The following TMPRSS7 variants were observed in gnomAD, a reference collection of about 807,000 sequenced individuals.
The protein encoded by TMPRSS7 is transmembrane protease serine 7.
In TMPRSS7, 81 loss-of-function variants were observed where a neutral mutation model predicts 95.6. The observed-to-expected ratio is 0.85, with a 90% CI of 0.71 to 1.02. The LOEUF is 1.02. Ranked by LOEUF, TMPRSS7 falls within the 50% of genes least tolerant of loss-of-function variation. The probability of loss-of-function intolerance (pLI) is 0.00; values close to 1 mark genes in which losing one functional copy is unlikely to be tolerated. For missense variants in TMPRSS7, 945 were observed against 955.2 expected (o/e 0.99, Z 0.14); for synonymous variants, 364 against 337.8 (o/e 1.08, Z -0.85).
intron 1 of TMPRSS7, among the ~76,000 whole-genome samples, 170 bp downstream of exon 1, chr3:112,035,063 G>A (rs1337254837): frequency 1.3e-5 from 2 of 152,172 alleles, no homozygotes; most frequent in African/African-American, 4.8e-5. Flanking sequence ...ATAAAGTGCT[G>A]TACTTGGCAA....
intron 10 of TMPRSS7, among the ~76,000 whole-genome samples, chr3:112,059,910 C>T (rs1305110762): frequency 6.6e-6 from 1 of 152,194 alleles, no homozygotes; most frequent in Non-Finnish European, 1.5e-5. Flanking sequence ...ATTGGCATCA[C>T]AGGTTCCAGT....
chr3:112,068,950 G>A (rs2073609637), intron 13 of TMPRSS7, among the ~76,000 whole-genome samples: 1 of 152,130 alleles, frequency 6.6e-6, no homozygotes, highest in Non-Finnish European at 1.5e-5. Flanking sequence ...TATGATATTG[G>A]CTGTGGGTTT....
At chr3:112,080,268 T>C (rs997134682) in intron 17 of TMPRSS7, among the ~76,000 whole-genome samples, 1 of 152,236 alleles carries the variant, frequency 6.6e-6, no homozygotes, top group African/African-American at 2.4e-5. Context: ...GGAATTGAGA[T>C]ATCAGAAAGG....
intron 13 of TMPRSS7, among the ~76,000 whole-genome samples, chr3:112,071,665 A>C (rs933642821): frequency 1.3e-5 from 2 of 152,030 alleles, no homozygotes; most frequent in Non-Finnish European, 2.9e-5. Context: ...TTTCTTCTCT[A>C]AACTTCTTTT....
exon 5 of TMPRSS7, chr3:112,045,779 A>G: frequency 6.4e-7 from 1 of 1,550,918 alleles, no homozygotes; most frequent in Non-Finnish European, 8.7e-7. Context: ...CTCCTTGTCC[A>G]CTTTTGGATT....
intron 1 of TMPRSS7, among the ~76,000 whole-genome samples, chr3:112,036,848 T>G (rs1024771527): frequency 6.6e-6 from 1 of 152,202 alleles, no homozygotes; most frequent in African/African-American, 2.4e-5. Flanking sequence ...TTCCCTAAAT[T>G]AATACTTTCA....
intron 3 of TMPRSS7, among the ~76,000 whole-genome samples, chr3:112,043,865 G>A (rs964687715): frequency 1.3e-5 from 2 of 152,192 alleles, no homozygotes; most frequent in African/African-American, 4.8e-5. Context: ...TAAGAATATG[G>A]TCGACGCTGG....
intron 13 of TMPRSS7, among the ~76,000 whole-genome samples, chr3:112,070,488 C>G (rs1048070546): frequency 2.0e-5 from 3 of 152,290 alleles, no homozygotes; most frequent in African/African-American, 7.2e-5. Context: ...TCTCTAAAGA[C>G]TTGCTTTATG....
At position 112,075,446 on chromosome 3, in the gene TMPRSS7, TC is replaced by T; in HGVS notation, c.1911del (p.Arg638GlyfsTer40). On this transcript the variant is annotated frameshift_variant, in exon 15 of 18. Coordinates refer to ENST00000452346, the Ensembl canonical transcript of TMPRSS7. LOFTEE classifies it high-confidence loss of function. ...TGCCTACTGTGGTGCCTCAGTCATCTCCAGGGAGTGGCTTCTTTCTGCAGCC... is the reference window on the plus strand; with the variant it reads ...TGCCTACTGTGGTGCCTCAGTCATCTCAGGGAGTGGCTTCTTTCTGCAGCC... The T allele has an allele frequency of 6.5e-7, 1 of 1,539,744 alleles. No homozygotes were observed. The highest frequency in any genetic ancestry group is 1.2e-5 in the South Asian group (1 of 80,476).
rs1405162209 is a variant in TMPRSS7 at position 112,074,422 on chromosome 3, A to T, written c.1783+10A>T. The T allele has an allele frequency of 6.3e-7, 1 of 1,588,008 alleles. No homozygotes were observed. The highest frequency in any genetic ancestry group is 1.7e-5 in the Admixed American group (1 of 59,434). On this transcript the variant is annotated intron_variant, in intron 14 of 17. Transcript: ENST00000452346. ...GATGAAGAAGGCTGCAGTAAGTAGA[A>T]ATTCATTCCTTTGGGTTCCTGTATT...
At chr3:112,054,940 C>T (rs916937811) in intron 9 of TMPRSS7, among the ~76,000 whole-genome samples, 6 of 151,798 alleles carry the variant, frequency 4.0e-5, no homozygotes, top group African/African-American at 1.2e-4. Flanking sequence ...GGAGTTTCAC[C>T]GTGTTAGCCT....
In TMPRSS7 at chr3:112,047,027, G is replaced by T; in HGVS notation, c.730+15G>T. Reference sequence around the variant, plus strand: ...CATAGGATCTGGTAAATTCTTTCATGTGGTTCCCCCTCCCCCCATGTTAAT... The same window carrying T: ...CATAGGATCTGGTAAATTCTTTCATTTGGTTCCCCCTCCCCCCATGTTAAT... On this transcript the variant is annotated intron_variant, in intron 6 of 17. Coordinates refer to ENST00000452346, the Ensembl canonical transcript of TMPRSS7. The T allele has an allele frequency of 1.4e-6, 1 of 702,274 alleles. No individual in the cohort carries two copies. Among genetic ancestry groups the T allele is most frequent in the Non-Finnish European group, 2.6e-6 (1 of 384,700 alleles). The allele number at this position is 702,274 out of a possible 1,614,324, so 43.5% of individuals were successfully genotyped here.
chr3:112,045,682 A>C, intron 4 of TMPRSS7, 68 bp from the exon 5 acceptor site: 1 of 1,433,134 alleles, frequency 7.0e-7, no homozygotes. Flanking sequence ...CCTTGAATCC[A>C]TCATCTGGGT....
intron 17 of TMPRSS7, among the ~76,000 whole-genome samples, chr3:112,080,430 C>T (rs902854): frequency 0.36 from 55,323 of 151,932 alleles, 10,166 homozygotes; most frequent in East Asian, 0.42. Flanking sequence ...TAGAAGTCAA[C>T]CTTCCAAGAT....
Position 112,044,330 on chromosome 3 carries a change from A to G in TMPRSS7, c.497+8A>G. The stretch of plus-strand genomic sequence containing the variant: ...TGTTGTTGCAGATGTCAGGTAATGC[A>G]TGTCCCTTGTTTTGAGATTTCTGTG... On this transcript the variant is annotated splice_region_variant and intron_variant, in intron 4 of 17. Transcript: ENST00000452346. The G allele has an allele frequency of 1.3e-6, 2 of 1,549,708 alleles. No individual in the cohort carries two copies. Among genetic ancestry groups the G allele is most frequent in the Non-Finnish European group, 1.7e-6 (2 of 1,145,364 alleles).
rs777796142 is a variant in TMPRSS7 at position 112,049,980 on chromosome 3, T to C, written c.1090+6T>C. The C allele has an allele frequency of 2.6e-6, 4 of 1,537,056 alleles. No homozygotes were observed. Among genetic ancestry groups the C allele is most frequent in the Admixed American group, 1.9e-5 (1 of 53,118 alleles). On this transcript the variant is annotated splice_donor_region_variant and intron_variant, in intron 8 of 17. Coordinates refer to ENST00000452346, the Ensembl canonical transcript of TMPRSS7. ...TGAGGTCATTCCAGAACAAAGTAAG[T>C]CTTCCCCAATTATGGAGAAGTCACT...
chr3:112,051,593 AT>A (rs2073352867), intron 9 of TMPRSS7, among the ~76,000 whole-genome samples: 1 of 146,734 alleles, frequency 6.8e-6, no homozygotes, highest in African/African-American at 2.6e-5. Context: ...ATCTATCTCT[AT>A]TATCTATCTC....
intron 9 of TMPRSS7, among the ~76,000 whole-genome samples, chr3:112,054,898 T>C (rs112900269): frequency 0.25 from 37,929 of 151,436 alleles, 4,892 homozygotes; most frequent in Middle Eastern, 0.28. Context: ...CGCCACCAAG[T>C]CCAGCTAATT....
chr3:112,071,591 T>C (rs111669007), intron 13 of TMPRSS7, among the ~76,000 whole-genome samples: 4,563 of 152,306 alleles, frequency 0.03, 191 homozygotes, highest in African/African-American at 0.088. Flanking sequence ...ACCAATCAAA[T>C]GTAGATTTGG....
Sources: gnomAD v4.1 joint callset for allele counts (sites outside exome capture counted in the v4.1 genomes callset) on GRCh38, gnomAD v4.1.1 for gene constraint, MANE v1.5 for transcripts, NCBI Gene and HGNC (gene_info 2026-07-23, HGNC 2026-07-21) for gene names.